Variants in MB21D2 observed in about 807,000 individuals in gnomAD.
MB21D2 encodes Mab-21 domain containing 2.
A neutral mutation model predicts 33.3 loss-of-function variants in MB21D2; 9 were observed. The ratio of observed to expected loss-of-function variants is 0.27; its 90% CI spans 0.16 to 0.47. The LOEUF (loss-of-function observed/expected upper bound fraction) is 0.47. MB21D2 is among the 20% of genes least tolerant of loss of function. The pLI, the probability that MB21D2 is intolerant of heterozygous loss-of-function variation, is 0.99. For missense variants in MB21D2, 540 were observed against 624.6 expected (o/e 0.86, Z 1.44); for synonymous variants, 241 against 236.3 (o/e 1.02, Z -0.18).
At chr3:192,870,730 A>AGG (rs202083659) in intron 1 of MB21D2, among the ~76,000 whole-genome samples, 21,833 of 131,130 alleles carry the variant, frequency 0.17, 2,911 homozygotes, top group African/African-American at 0.36. Flanking sequence ...GGAAGGAGAG[A>AGG]AGAAGGAAGG....
chr3:192,892,492 C>T (rs1325723594), intron 1 of MB21D2, among the ~76,000 whole-genome samples: 1 of 152,148 alleles, frequency 6.6e-6, no homozygotes, highest in Non-Finnish European at 1.5e-5. Context: ...CTGTTGATGC[C>T]TAGGCTGGCA....
intron 1 of MB21D2, among the ~76,000 whole-genome samples, chr3:192,911,085 A>C (rs1714342532): frequency 6.6e-6 from 1 of 152,216 alleles, no homozygotes; most frequent in African/African-American, 2.4e-5. Flanking sequence ...CAGAGGTAAA[A>C]TCTGGGTCTC....
chr3:192,882,996 G>A (rs1198664484), intron 1 of MB21D2, among the ~76,000 whole-genome samples: 2 of 151,960 alleles, frequency 1.3e-5, no homozygotes, highest in Non-Finnish European at 2.9e-5. Context: ...GCCTCCCAAA[G>A]TGCTGGGATT....
At position 192,881,709 on chromosome 3, in the gene MB21D2, G is replaced by C. The variant is rs150071462; in HGVS notation, c.211+35921C>G. Among the ~76,000 whole-genome samples the C allele has an allele frequency of 2.5e-3, 378 of 152,248 alleles. 4 individuals are homozygous for C. Among genetic ancestry groups the C allele is most frequent in the Middle Eastern group, 0.01 (3 of 294 alleles). ...TACCTGTGGAGGCCAAGAAAGGAAG[G>C]CTTCTGGAGAAACCTGGCGGCACTG... is the stretch of plus-strand genomic sequence containing the variant. On this transcript the variant is annotated intron_variant, in intron 1 of 1. Transcript: ENST00000392452.
At chr3:192,838,201 A>T (rs1712481821) in intron 1 of MB21D2, among the ~76,000 whole-genome samples, 1 of 152,202 alleles carries the variant, frequency 6.6e-6, no homozygotes, top group Non-Finnish European at 1.5e-5. Flanking sequence ...ACACATGGGC[A>T]TCTATATAAG....
At chr3:192,877,005 A>G (rs187922588) in intron 1 of MB21D2, among the ~76,000 whole-genome samples, 1 of 152,292 alleles carries the variant, frequency 6.6e-6, no homozygotes, top group Non-Finnish European at 1.5e-5. Flanking sequence ...ACAGCGCCTG[A>G]GTCCACAGTG....
Position 192,875,244 on chromosome 3 carries a change from A to G in MB21D2, c.211+42386T>C, listed in dbSNP as rs73064205. Among the ~76,000 whole-genome samples the G allele has an allele frequency of 5.2e-3, 790 of 152,302 alleles. 3 individuals carry two copies. Among genetic ancestry groups the G allele is most frequent in the African/African-American group, 0.018 (741 of 41,560 alleles). ...CATGCAGCCATTCCCCTACTCTCCA[A>G]ATGTCAGCTTCCTGAGGACTGACAC... On this transcript the variant is annotated intron_variant, in intron 1 of 1. Transcript: ENST00000392452.
intron 1 of MB21D2, among the ~76,000 whole-genome samples, chr3:192,913,551 T>C (rs115068965): frequency 0.027 from 4,133 of 151,874 alleles, 177 homozygotes; most frequent in African/African-American, 0.094. Context: ...TGGCCAGGCA[T>C]GGTGGCTCAT....
intron 1 of MB21D2, among the ~76,000 whole-genome samples, chr3:192,835,088 G>T (rs1279766009): frequency 6.7e-6 from 1 of 148,304 alleles, no homozygotes; most frequent in Non-Finnish European, 1.5e-5. Flanking sequence ...GATGACAGGC[G>T]TGAGCCACCA....
chr3:192,876,660 A>G (rs1713433771), intron 1 of MB21D2, among the ~76,000 whole-genome samples: 1 of 151,996 alleles, frequency 6.6e-6, no homozygotes, highest in Non-Finnish European at 1.5e-5. Flanking sequence ...GTTCCCTCTC[A>G]ATTCTTGCCA....
chr3:192,809,374 C>T (rs1429814538), intron 1 of MB21D2, among the ~76,000 whole-genome samples: 5 of 152,140 alleles, frequency 3.3e-5, no homozygotes, highest in African/African-American at 9.7e-5. Context: ...GGATTACAGG[C>T]GTGAGCCACC....
Position 192,799,550 on chromosome 3 carries a change from C to T in MB21D2, c.312G>A (p.Glu104=). 6.2e-7 allele frequency: 1 copy of T among 1,614,190 alleles called. No homozygotes were observed. The highest frequency in any genetic ancestry group is 2.2e-5 in the East Asian group (1 of 44,878). The change falls in exon 2 of 2, where the codon GAG becomes GAA. Residue 104 remains glutamate (E), a synonymous_variant. Coordinates refer to ENST00000392452, the MANE Select transcript of MB21D2 (RefSeq NM_178496.4). The surrounding 1 kb of genome is among the most constrained non-coding windows in gnomAD (Gnocchi z 4.1). ...CAGTACCCCGGGCATAGACATTAAG[C>T]TCATCTAAGTCCAGGTCCACCACGC... ...REGVVDLDLD[E]LNVYARGTDY...
intron 1 of MB21D2, among the ~76,000 whole-genome samples, chr3:192,804,899 T>C (rs1711630976): frequency 6.6e-6 from 1 of 152,212 alleles, no homozygotes; most frequent in Admixed American, 6.5e-5. Flanking sequence ...GCCACCTTTT[T>C]CTAAGAAAGT....
intron 1 of MB21D2, among the ~76,000 whole-genome samples, chr3:192,822,244 G>C (rs1483318386): frequency 6.6e-6 from 1 of 152,134 alleles, no homozygotes; most frequent in East Asian, 1.9e-4. Context: ...TTCCTAATAA[G>C]AGATGTTTCT....
chr3:192,913,464 A>G (rs1378977712), intron 1 of MB21D2, among the ~76,000 whole-genome samples: 2 of 152,224 alleles, frequency 1.3e-5, no homozygotes, highest in African/African-American at 4.8e-5. Flanking sequence ...TTTAGTTAGC[A>G]AAGTAATTTC....
intron 1 of MB21D2, among the ~76,000 whole-genome samples, chr3:192,869,813 A>G (rs1713251573): frequency 6.6e-6 from 1 of 152,236 alleles, no homozygotes; most frequent in African/African-American, 2.4e-5. Flanking sequence ...TCAATAATGA[A>G]AAACATCACT....
chr3:192,807,367 A>G (rs1385358682), intron 1 of MB21D2, among the ~76,000 whole-genome samples: 1 of 151,574 alleles, frequency 6.6e-6, no homozygotes, highest in Non-Finnish European at 1.5e-5. Flanking sequence ...GAGCAAGAGT[A>G]ATGGTGTTAA....
At chr3:192,815,141 A>C (rs1711892665) in intron 1 of MB21D2, among the ~76,000 whole-genome samples, 1 of 152,242 alleles carries the variant, frequency 6.6e-6, no homozygotes, top group South Asian at 2.1e-4. Context: ...CTTGGTCTCC[A>C]GAGAATGAAG....
intron 1 of MB21D2, among the ~76,000 whole-genome samples, chr3:192,901,413 C>CAAAAAACAA (rs1714098838): frequency 9.9e-6 from 1 of 100,888 alleles, no homozygotes; most frequent in Non-Finnish European, 1.9e-5. Flanking sequence ...ACTAAAAATT[C>CAAAAAACAA]AAAAAAAAAA....
Sources: allele counts gnomAD v4.1 joint callset (sites outside exome capture counted in the v4.1 genomes callset), GRCh38; gene constraint gnomAD v4.1.1; non-coding constraint Gnocchi (gnomAD v3.1); transcripts MANE v1.5; gene names NCBI Gene and HGNC (gene_info 2026-07-23, HGNC 2026-07-21).